Variants in SSH3 observed in about 807,000 individuals in gnomAD.
The protein encoded by SSH3 is protein phosphatase Slingshot homolog 3.
A neutral mutation model predicts 75.0 loss-of-function variants in SSH3; 67 were observed. The ratio of observed to expected loss-of-function variants is 0.89; its 90% CI spans 0.73 to 1.10. The LOEUF is 1.10. Among genes scored for constraint, SSH3 ranks in the 50% least tolerant of loss-of-function variants. The pLI, the probability that SSH3 is intolerant of heterozygous loss-of-function variation, is 0.00. For missense variants in SSH3, 824 were observed against 872.7 expected, an observed-to-expected ratio of 0.94 and a Z score of 0.70; for synonymous variants, 318 against 349.2, an observed-to-expected ratio of 0.91 and a Z score of 1.00.
Position 67,307,561 on chromosome 11 carries a change from G to A in SSH3, c.615G>A (p.Gln205=). The A allele has an allele frequency of 1.2e-6, 2 of 1,610,156 alleles. No homozygotes were observed. Among genetic ancestry groups the A allele is most frequent in the South Asian group, 1.1e-5 (1 of 90,896 alleles). Residue 205 remains glutamine (Q), a synonymous_variant, in exon 7 of 14, where the codon CAG becomes CAA. Transcript: ENST00000308127. The surrounding 1 kb of genome is among the most constrained non-coding windows in gnomAD (Gnocchi z 4.2). ...CCTCCTGTCTCAGGGCCACACTCCA[G>A]GTATTGCACCAAGCATGTGAGGCAG... The part of the protein sequence containing the change: ...ISIQTMWATL[Q]VLHQACEAAL...
chr11:67,308,596 C>T lies in SSH3; in HGVS notation c.1061+138C>T. On this transcript the variant is annotated intron_variant, in intron 10 of 13. Coordinates refer to ENST00000308127, the MANE Select transcript of SSH3 (RefSeq NM_017857.4). This position sits in a 1 kb window ranked among gnomAD's most constrained non-coding sequence, Gnocchi z 4.9. ...CTCTGCTTCTAACTCTGTCCTGGGG[C>T]TGTTGCCCTGGTGTGGGCTCCCAGG... The T allele has an allele frequency of 2.3e-6, 3 of 1,289,610 alleles. No individual in the cohort carries two copies. The highest frequency in any genetic ancestry group is 3.2e-6 in the Non-Finnish European group (3 of 935,224). The allele number at this position is 1,289,610 out of a possible 1,614,324, so 79.9% of individuals were successfully genotyped here.
In SSH3 at chr11:67,310,096, G is replaced by A. The variant is rs1590888398; in HGVS notation, c.1440G>A (p.Val480=). 6.2e-7 allele frequency: 1 copy of A among 1,613,784 alleles called. No homozygotes were observed. Among genetic ancestry groups the A allele is most frequent in the Non-Finnish European group, 8.5e-7 (1 of 1,179,872 alleles). ...AGAGCCATGTCTGGGAGCAGAAAGT[G>A]GGTGGGGTCTCCCCAGAGGAGCACC... ...SRQSHVWEQK[V]GGVSPEEHPA... The change falls in exon 13 of 14, where the codon GTG becomes GTA. Residue 480 remains valine, a synonymous_variant. Coordinates refer to ENST00000308127, the MANE Select transcript of SSH3 (RefSeq NM_017857.4).
Position 67,308,522 on chromosome 11 carries a change from G to C in SSH3, c.1061+64G>C, listed in dbSNP as rs1012150809. On this transcript the variant is annotated intron_variant, in intron 10 of 13. Coordinates refer to ENST00000308127, the MANE Select transcript of SSH3 (RefSeq NM_017857.4). The surrounding 1 kb of genome is among the most constrained non-coding windows in gnomAD (Gnocchi z 4.9). ...CCCTTCTCCTGGCCTCCCCGCATTG[G>C]GTGGTAGCCAGCTTCAAAAACCCCT... The C allele has an allele frequency of 1.3e-6, 2 of 1,541,482 alleles. No individual in the cohort carries two copies. Among genetic ancestry groups the C allele is most frequent in the Admixed American group, 2.0e-5 (1 of 50,832 alleles).
intron 1 of SSH3, 148 bp from the exon 2 acceptor site, chr11:67,303,969 CG>C: frequency 9.1e-7 from 1 of 1,101,584 alleles, no homozygotes; most frequent in Admixed American, 2.9e-5. Context: ...CGGGGCTCCA[CG>C]GGGCCTCCCG....
Position 67,307,747 on chromosome 11 carries a change from T to G in SSH3, c.791+10T>G. The G allele has an allele frequency of 6.2e-7, 1 of 1,612,676 alleles. No individual in the cohort carries two copies. Among genetic ancestry groups the G allele is most frequent in the Non-Finnish European group, 8.5e-7 (1 of 1,179,692 alleles). Reference sequence around the variant, plus strand: ...GCGCCGAGCCTGGCGGGTCAGTGTGTGGAGGGGAGGGACTGGGTGGAGGGG... The same window carrying G: ...GCGCCGAGCCTGGCGGGTCAGTGTGGGGAGGGGAGGGACTGGGTGGAGGGG... On this transcript the variant is annotated intron_variant, in intron 7 of 13. Coordinates refer to ENST00000308127, the MANE Select transcript of SSH3 (RefSeq NM_017857.4). The surrounding 1 kb of genome is among the most constrained non-coding windows in gnomAD (Gnocchi z 4.2).
At chr11:67,305,042 G>A (rs1308830334) in intron 3 of SSH3, 35 bp downstream of exon 3, 16 of 1,573,920 alleles carry the variant, frequency 1.0e-5, no homozygotes, top group Non-Finnish European at 1.3e-5. Context: ...GGGGTGGGGG[G>A]AAGAGACACG....
chr11:67,311,253 C>T (rs1225739661), intron 13 of SSH3, among the ~76,000 whole-genome samples: 2 of 152,156 alleles, frequency 1.3e-5, no homozygotes, highest in African/African-American at 2.4e-5. Context: ...TTTCACCTGC[C>T]GGCTGCCTAC....
Position 67,309,402 on chromosome 11 carries a change from C to T in SSH3, c.1067C>T (p.Thr356Ile). 1 of 1,614,168 alleles carries T rather than the reference C, an allele frequency of 6.2e-7. No individual in the cohort carries two copies. The highest frequency in any genetic ancestry group is 8.5e-7 in the Non-Finnish European group (1 of 1,180,030). The change falls in exon 11 of 14, where the codon ACC becomes ATC. Residue 356 changes from threonine to isoleucine, a missense_variant. Transcript: ENST00000308127. ...NLEELQRNRV[T>I]HILNMAREID... ...CCTTGGGCCCTCTGGGACAGGGTCA[C>T]CCACATCTTGAACATGGCCCGGGAG... is the stretch of plus-strand genomic sequence containing the variant.
chr11:67,308,561 C>T lies in SSH3; in HGVS notation c.1061+103C>T. 2 of 1,449,896 alleles carry T rather than the reference C, an allele frequency of 1.4e-6. No individual in the cohort carries two copies. Among genetic ancestry groups the T allele is most frequent in the Non-Finnish European group, 1.9e-6 (2 of 1,063,534 alleles). 89.8% of individuals were successfully genotyped at this position (1,449,896 alleles called of 1,614,324 possible). ...TCAAAAACCCCTGGACCACCCTCAG[C>T]AGCTGCTAGCTCTGCTTCTAACTCT... is the stretch of plus-strand genomic sequence containing the variant. On this transcript the variant is annotated intron_variant, in intron 10 of 13. Transcript: ENST00000308127. The surrounding 1 kb of genome is among the most constrained non-coding windows in gnomAD (Gnocchi z 4.9).
rs2134783320 is a variant in SSH3 at position 67,309,490 on chromosome 11, G to A, written c.1155G>A (p.Ser385=). The A allele has an allele frequency of 3.7e-6, 6 of 1,614,088 alleles. No individual in the cohort carries two copies. The highest frequency in any genetic ancestry group is 2.2e-5 in the South Asian group (2 of 91,078). Residue 385 remains serine (S), a synonymous_variant, in exon 11 of 14, where the codon TCG becomes TCA. Coordinates refer to ENST00000308127, the MANE Select transcript of SSH3 (RefSeq NM_017857.4). The part of the protein sequence containing the change: ...YHNVRLWDEE[S]AQLLPHWKET... The stretch of plus-strand genomic sequence containing the variant: ...ATGTGCGCCTCTGGGATGAGGAGTC[G>A]GCCCAGCTGCTGCCGCACTGGAAGG...
In SSH3 at chr11:67,307,667, A is replaced by T; in HGVS notation, c.721A>T (p.Ser241Cys). The stretch of plus-strand genomic sequence containing the variant: ...CCAGGAGAGACTGAACTCCGAACAG[A>T]GCTGCCTCAATGAGTGGACGGCTAT... Reference protein sequence around the residue: ...HYQERLNSEQSCLNEWTAMAD... With the variant: ...HYQERLNSEQCCLNEWTAMAD... The change falls in exon 7 of 14, where the codon AGC becomes TGC. Residue 241 changes from serine (S) to cysteine (C), a missense_variant. Coordinates refer to ENST00000308127, the MANE Select transcript of SSH3 (RefSeq NM_017857.4). This position sits in a 1 kb window ranked among gnomAD's most constrained non-coding sequence, Gnocchi z 4.2. 6.2e-7 allele frequency: 1 copy of T among 1,614,038 alleles called. No individual in the cohort carries two copies. Among genetic ancestry groups the T allele is most frequent in the Non-Finnish European group, 8.5e-7 (1 of 1,180,036 alleles).
At position 67,312,188 on chromosome 11, in the gene SSH3, C is replaced by G. The variant is rs1861430010; in HGVS notation, c.*301C>G. On this transcript the variant is annotated 3_prime_UTR_variant, in exon 14 of 14. Transcript: ENST00000308127. ...GGGGCAACAGCACCCTAGTTTCATTCTCAACTCTAGCCCTGCACACTCACC... is the reference window on the plus strand; with the variant it reads ...GGGGCAACAGCACCCTAGTTTCATTGTCAACTCTAGCCCTGCACACTCACC... The G allele has an allele frequency of 1.1e-5, 5 of 470,842 alleles. No homozygotes were observed. The South Asian group carries it at 1.3e-4, about 12-fold the overall frequency. The allele number at this position is 470,842 out of a possible 1,614,324, so 29.2% of individuals were successfully genotyped here. A position where few individuals can be genotyped will look rare whatever the true frequency, so the allele number is the denominator to read the frequency against.
chr11:67,310,340 G>C lies in SSH3; in HGVS notation c.1683+1G>C. 1 of 1,603,598 alleles carries C rather than the reference G, an allele frequency of 6.2e-7. No individual in the cohort carries two copies. The highest frequency in any genetic ancestry group is 8.5e-7 in the Non-Finnish European group (1 of 1,173,320). On this transcript the variant is annotated splice_donor_variant, in intron 13 of 13. Coordinates refer to ENST00000308127, the MANE Select transcript of SSH3 (RefSeq NM_017857.4). LOFTEE classifies it high-confidence loss of function. ...CTCAGAGACCAGTGACATGCCAGAG[G>C]TGAGGCTGGGGCTGGGGGAGCTCAG...
chr11:67,310,789 T>A (rs562734529), intron 13 of SSH3, among the ~76,000 whole-genome samples: 1 of 152,254 alleles, frequency 6.6e-6, no homozygotes, highest in Admixed American at 6.5e-5. Context: ...GGGGCAGGGC[T>A]GCCTCCCCAG....
chr11:67,307,038 C>T lies in SSH3; in HGVS notation c.465-4C>T. 6.2e-7 allele frequency: 1 copy of T among 1,614,032 alleles called. No homozygotes were observed. The highest frequency in any genetic ancestry group is 8.5e-7 in the Non-Finnish European group (1 of 1,179,946). ...ACAATGGCTTTCCCTCTGTCCCCTG[C>T]CAGCTCCCCCAGCTGCACCCTGGGC... On this transcript the variant is annotated splice_polypyrimidine_tract_variant and splice_region_variant and intron_variant, in intron 4 of 13. Transcript: ENST00000308127. The surrounding 1 kb of genome is among the most constrained non-coding windows in gnomAD (Gnocchi z 4.2).
Position 67,305,001 on chromosome 11 carries a change from C to G in SSH3, c.333C>G (p.Ile111Met). ...AGCTGCTGAGGCCGCAGGATGACAT[C>G]CGCCTGGTGAGGGCCCATGTGGAGC... ...MVQLLRPQDD[I>M]RLAAQLEAPR... is the part of the protein sequence containing the mutation. The change falls in exon 3 of 14, where the codon ATC becomes ATG. Residue 111 changes from isoleucine (I) to methionine (M), a missense_variant. By Grantham distance (10) the Ile-to-Met change is conservative. Coordinates refer to ENST00000308127, the MANE Select transcript of SSH3 (RefSeq NM_017857.4). 1 of 1,609,430 alleles carries G rather than the reference C, an allele frequency of 6.2e-7. No homozygotes were observed. The highest frequency in any genetic ancestry group is 8.5e-7 in the Non-Finnish European group (1 of 1,178,714).
rs144805023 is a variant in SSH3, at chr11:67,309,962, C to A, written c.1403C>A (p.Thr468Lys). The change falls in exon 12 of 14, where the codon ACG becomes AAG. Residue 468 changes from threonine (T) to lysine (K), a missense_variant. Thr to Lys is a moderately conservative substitution (Grantham distance 78). Transcript: ENST00000308127. ...RQLQIYQGIL[T>K]ASRQSHVWEQ... ...CTGCAGATCTACCAGGGCATCCTGA[C>A]GGCCAGGTATGGGATGGGAGCGAGT... 1.2e-6 allele frequency: 2 copies of A among 1,610,216 alleles called. No homozygotes were observed. Among genetic ancestry groups the A allele is most frequent in the Non-Finnish European group, 1.7e-6 (2 of 1,179,976 alleles).
In SSH3 at chr11:67,309,860, G is replaced by A; in HGVS notation, c.1301G>A (p.Cys434Tyr). The A allele has an allele frequency of 1.2e-6, 2 of 1,612,970 alleles. No individual in the cohort carries two copies. Among genetic ancestry groups the A allele is most frequent in the Non-Finnish European group, 1.7e-6 (2 of 1,180,016 alleles). ...GCCTATGCCATGAAGCAGTACGAAT[G>A]CAGCCTGGAGCAGGCCCTGCGCCAC... ...VLAYAMKQYE[C>Y]SLEQALRHVQ... The change falls in exon 12 of 14, where the codon TGC (cysteine) becomes TAC (tyrosine). Residue 434 changes from cysteine (C) to tyrosine (Y), a missense_variant. Cys to Tyr is a radical substitution (Grantham distance 194, BLOSUM62 -2). Transcript: ENST00000308127.
At chr11:67,303,787 T>A (rs989112452) in intron 1 of SSH3, 96 bp downstream of exon 1, 16 of 1,293,956 alleles carry the variant, frequency 1.2e-5, no homozygotes, top group Admixed American at 3.5e-5. Context: ...AACGGGGACA[T>A]GAGGAGGGGG....
Sources: allele counts gnomAD v4.1 joint callset (sites outside exome capture counted in the v4.1 genomes callset), GRCh38; gene constraint gnomAD v4.1.1; non-coding constraint Gnocchi (gnomAD v3.1); transcripts MANE v1.5; gene names NCBI Gene and HGNC (gene_info 2026-07-23, HGNC 2026-07-21).